The following ZEB1 variants were observed in gnomAD, a reference collection of about 807,000 sequenced individuals.
ZEB1 encodes the protein zinc finger E-box-binding homeobox 1.
Under a neutral mutation model 84.9 loss-of-function variants are expected in ZEB1, and 21 were observed. The ratio of observed to expected loss-of-function variants is 0.25; its 90% CI spans 0.18 to 0.36. The LOEUF (loss-of-function observed/expected upper bound fraction) is 0.36. ZEB1 is among the 10% of genes least tolerant of loss of function. The pLI, the probability that ZEB1 is intolerant of heterozygous loss-of-function variation, is 1.00. For missense variants in ZEB1, 1,104 were observed against 1,330.2 expected, an observed-to-expected ratio of 0.83 and a Z score of 2.65; for synonymous variants, 420 against 471.1, an observed-to-expected ratio of 0.89 and a Z score of 1.41.
chr10:31,454,115 C>T (rs1301706868), intron 1 of ZEB1, among the ~76,000 whole-genome samples: 1 of 152,186 alleles, frequency 6.6e-6, no homozygotes, highest in Admixed American at 6.5e-5. Context: ...ATACACAAAT[C>T]AACAAACGTA....
At chr10:31,452,742 T>TGTGAGAGAGA (rs1387786622) in intron 1 of ZEB1, among the ~76,000 whole-genome samples, 40 of 90,810 alleles carry the variant, frequency 4.4e-4, no homozygotes, top group African/African-American at 7.2e-4. Context: ...TGTGTGTGTG[T>TGTGAGAGAGA]GAGAGAGAGA....
rs1201102796 is a variant in ZEB1, at chr10:31,510,781, A to G, written c.593A>G (p.Glu198Gly). ...EHIKYRHEKN[E>G]DNFSCSLCSY... is the part of the protein sequence containing the mutation. ...ATTAAATATCGTCATGAAAAGAATG[A>G]AGATAACTTTAGTTGCTCCCTGTGC... Residue 198 changes from glutamate (E) to glycine (G), a missense_variant, in exon 5 of 9, where the codon GAA becomes GGA. By Grantham distance (98) the Glu-to-Gly change is moderately conservative (BLOSUM62 -2). Transcript: ENST00000424869. The G allele has an allele frequency of 6.2e-7, 1 of 1,613,882 alleles. No individual in the cohort carries two copies. Among genetic ancestry groups the G allele is most frequent in the Non-Finnish European group, 8.5e-7 (1 of 1,179,928 alleles).
At chr10:31,365,845 A>G (rs1490093087) in intron 1 of ZEB1, among the ~76,000 whole-genome samples, 4 of 152,234 alleles carry the variant, frequency 2.6e-5, no homozygotes, top group African/African-American at 9.6e-5. Flanking sequence ...GATCAGCTAT[A>G]TCGAAATACA....
chr10:31,484,105 T>C (rs1340287303), intron 2 of ZEB1, among the ~76,000 whole-genome samples: 1 of 152,026 alleles, frequency 6.6e-6, no homozygotes, highest in Non-Finnish European at 1.5e-5. Flanking sequence ...ATATCGTATC[T>C]CCACTCCTGC....
chr10:31,422,497 A>G (rs1239343409), intron 1 of ZEB1, among the ~76,000 whole-genome samples: 1 of 152,098 alleles, frequency 6.6e-6, no homozygotes, highest in Non-Finnish European at 1.5e-5. Context: ...TGTTTCCCCA[A>G]AGACCCTTAC....
chr10:31,510,938 A>G, intron 5 of ZEB1, 63 bp downstream of exon 5: 1 of 1,469,034 alleles, frequency 6.8e-7, no homozygotes, highest in South Asian at 1.2e-5. Flanking sequence ...CCTCAATGGA[A>G]GGCAAGGATT....
chr10:31,492,183 C>T (rs1488137673), intron 2 of ZEB1, among the ~76,000 whole-genome samples: 1 of 151,818 alleles, frequency 6.6e-6, no homozygotes, highest in African/African-American at 2.4e-5. Flanking sequence ...TAGAGAAGGT[C>T]CCCAACTTAC....
At chr10:31,462,454 T>G (rs930025908) in intron 2 of ZEB1, among the ~76,000 whole-genome samples, 1 of 152,164 alleles carries the variant, frequency 6.6e-6, no homozygotes, top group African/African-American at 2.4e-5. Context: ...ATACATTATA[T>G]GGCAGCATCA....
intron 2 of ZEB1, among the ~76,000 whole-genome samples, chr10:31,462,028 G>A (rs746268454): frequency 6.6e-6 from 1 of 152,084 alleles, no homozygotes; most frequent in African/African-American, 2.4e-5. Flanking sequence ...ACAAGTACAC[G>A]CAATAAATCG....
chr10:31,518,067 C>T (rs12266681), intron 6 of ZEB1, among the ~76,000 whole-genome samples: 6,477 of 152,112 alleles, frequency 0.043, 364 homozygotes, highest in African/African-American at 0.12. Flanking sequence ...ATCTTTCTAG[C>T]GTCTCTAGAA....
chr10:31,342,390 G>A (rs1487244460), intron 1 of ZEB1, among the ~76,000 whole-genome samples: 1 of 151,984 alleles, frequency 6.6e-6, no homozygotes, highest in African/African-American at 2.4e-5. Flanking sequence ...GAGGATAGTG[G>A]AAATAAAGGC....
intron 2 of ZEB1, among the ~76,000 whole-genome samples, chr10:31,471,625 C>G (rs1414099876): frequency 0.012 from 1,779 of 145,470 alleles, 26 homozygotes; most frequent in Non-Finnish European, 0.015. Flanking sequence ...GACTTTAACA[C>G]CCCACTGTCA....
intron 1 of ZEB1, among the ~76,000 whole-genome samples, chr10:31,430,301 GTTAA>G (rs2057560200): frequency 1.3e-5 from 2 of 152,146 alleles, no homozygotes; most frequent in Non-Finnish European, 2.9e-5. Context: ...AGGGTCATCT[GTTAA>G]TTAGTTACTG....
At chr10:31,473,093 G>A (rs947087024) in intron 2 of ZEB1, among the ~76,000 whole-genome samples, 2 of 149,548 alleles carry the variant, frequency 1.3e-5, no homozygotes, top group Non-Finnish European at 3.0e-5. Context: ...CAGACCCACA[G>A]CCAATATCAT....
At chr10:31,336,420 G>A (rs999280757) in intron 1 of ZEB1, among the ~76,000 whole-genome samples, 1 of 152,110 alleles carries the variant, frequency 6.6e-6, no homozygotes, top group Non-Finnish European at 1.5e-5. Context: ...AAATCTGTAG[G>A]TAAGGTAAAG....
intron 2 of ZEB1, among the ~76,000 whole-genome samples, chr10:31,484,519 G>T (rs1262730287): frequency 6.6e-6 from 1 of 151,974 alleles, no homozygotes; most frequent in Non-Finnish European, 1.5e-5. Flanking sequence ...CAGAGTCACT[G>T]ATAGTAATTA....
At chr10:31,359,654 A>T (rs1019367550) in intron 1 of ZEB1, among the ~76,000 whole-genome samples, 2 of 152,150 alleles carry the variant, frequency 1.3e-5, no homozygotes, top group African/African-American at 2.4e-5. Flanking sequence ...TATAATTTGT[A>T]CACTCTATTC....
Position 31,502,395 on chromosome 10 carries a change from G to C in ZEB1, c.370G>C (p.Asp124His). 1 of 1,613,818 alleles carries C rather than the reference G, an allele frequency of 6.2e-7. No individual in the cohort carries two copies. Among genetic ancestry groups the C allele is most frequent in the South Asian group, 1.1e-5 (1 of 91,066 alleles). ...ESDAENEQNH[D>H]PNVEEFLQQQ... ...AGATGCAGAAAATGAGCAAAACCAT[G>C]ATCCTAATGTTGAAGAGTTTCTACA... Residue 124 changes from aspartate (D) to histidine (H), a missense_variant, in exon 4 of 9, where the codon GAT (aspartate) becomes CAT (histidine). Physicochemically the swap from Asp to His is moderately conservative, Grantham distance 81. Transcript: ENST00000424869.
chr10:31,404,523 T>C (rs1180747880), intron 1 of ZEB1, among the ~76,000 whole-genome samples: 1 of 152,138 alleles, frequency 6.6e-6, no homozygotes, highest in Non-Finnish European at 1.5e-5. Flanking sequence ...CTGAAAAAAA[T>C]ACATATTTAG....
Sources: allele counts gnomAD v4.1 joint callset (sites outside exome capture counted in the v4.1 genomes callset), GRCh38; gene constraint gnomAD v4.1.1; transcripts MANE v1.5; gene names NCBI Gene and HGNC (gene_info 2026-07-23, HGNC 2026-07-21).